ERCC8: variants seen among roughly 807,000 people sequenced by gnomAD.
ERCC8 encodes DNA excision repair protein ERCC-8.
A neutral mutation model predicts 54.9 loss-of-function variants in ERCC8; 52 were observed. The observed-to-expected ratio is 0.95, with a 90% CI of 0.76 to 1.19. ERCC8 has a LOEUF of 1.19. Ranked by LOEUF, ERCC8 falls within the 50% of genes most tolerant of loss-of-function variation. The pLI, the probability that ERCC8 is intolerant of heterozygous loss-of-function variation, is 0.00. For missense variants in ERCC8, 514 were observed against 466.1 expected (o/e 1.10, Z -0.95); for synonymous variants, 146 against 157.2 (o/e 0.93, Z 0.53).
At chr5:60,879,627 C>T (rs1289629925) in intron 11 of ERCC8, among the ~76,000 whole-genome samples, 1 of 152,208 alleles carries the variant, frequency 6.6e-6, no homozygotes, top group Admixed American at 6.5e-5. Context: ...TATGTAATGG[C>T]CTTGTCTCTT....
At position 60,889,401 on chromosome 5, in the gene ERCC8, A is replaced by G. The variant is rs1045049807; in HGVS notation, c.1041+1488T>C. 5.8e-4 allele frequency among the ~76,000 whole-genome samples: 88 copies of G among 152,202 alleles called. 2 individuals are homozygous for G. Among genetic ancestry groups the G allele is most frequent in the African/African-American group, 2.1e-3 (87 of 41,528 alleles). ...GAACACGGCTCACTCAATCTCCTGG[A>G]CTCAAGCAATTCTCTTGCTTCAGCC... On this transcript the variant is annotated intron_variant, in intron 10 of 11. Coordinates refer to ENST00000676185, the MANE Select transcript of ERCC8 (RefSeq NM_000082.4).
Position 60,899,715 on chromosome 5 carries a change from T to A in ERCC8, c.630A>T (p.Arg210Ser), listed in dbSNP as rs758627045. 60 of 1,610,384 alleles carry A rather than the reference T, an allele frequency of 3.7e-5. No individual in the cohort carries two copies. Among genetic ancestry groups the A allele is most frequent in the Non-Finnish European group, 4.9e-5 (58 of 1,177,272 alleles). The change falls in exon 8 of 12, where the codon AGA (arginine) becomes AGT (serine). Residue 210 changes from arginine (R) to serine (S), a missense_variant. Coordinates refer to ENST00000676185, the MANE Select transcript of ERCC8 (RefSeq NM_000082.4). ...YILATASADS[R>S]VKLWDVRRAS... Reference sequence around the variant, plus strand: ...CTCTTCTCACATCCCATAATTTTACTCTACTGTCAGCACTGAGAAGAAATA... The same window carrying A: ...CTCTTCTCACATCCCATAATTTTACACTACTGTCAGCACTGAGAAGAAATA...
At chr5:60,931,682 T>C (rs1190519951) in intron 1 of ERCC8, among the ~76,000 whole-genome samples, 1 of 151,182 alleles carries the variant, frequency 6.6e-6, no homozygotes, top group Non-Finnish European at 1.5e-5. Flanking sequence ...TCATCAAAAC[T>C]TTTTTTTTCA....
At chr5:60,883,848 A>C (rs899085877) in intron 11 of ERCC8, among the ~76,000 whole-genome samples, 1 of 152,228 alleles carries the variant, frequency 6.6e-6, no homozygotes, top group African/African-American at 2.4e-5. Context: ...GTCAAAAGGA[A>C]GCCAGATTCC....
At chr5:60,897,958 T>C (rs1748766388) in intron 9 of ERCC8, among the ~76,000 whole-genome samples, 1 of 152,226 alleles carries the variant, frequency 6.6e-6, no homozygotes. Flanking sequence ...ATATAAAATT[T>C]GATTACTTAG....
At chr5:60,880,271 C>G (rs559222555) in intron 11 of ERCC8, among the ~76,000 whole-genome samples, 3 of 152,156 alleles carry the variant, frequency 2.0e-5, no homozygotes, top group African/African-American at 7.2e-5. Flanking sequence ...GTGGGTAACC[C>G]GACCTTTCTC....
chr5:60,927,118 A>C (rs1749772027), intron 2 of ERCC8, among the ~76,000 whole-genome samples: 2 of 152,246 alleles, frequency 1.3e-5, no homozygotes, highest in Non-Finnish European at 1.5e-5. Flanking sequence ...AGTGATACGC[A>C]AATGCACCCT....
chr5:60,874,982 C>G (rs1180374461), intron 11 of ERCC8, among the ~76,000 whole-genome samples: 1 of 152,140 alleles, frequency 6.6e-6, no homozygotes, highest in African/African-American at 2.4e-5. Context: ...TGCCATTGCT[C>G]AAGGTATTTC....
At chr5:60,904,213 T>A (rs1748987262) in intron 5 of ERCC8, among the ~76,000 whole-genome samples, 1 of 152,216 alleles carries the variant, frequency 6.6e-6, no homozygotes, top group Non-Finnish European at 1.5e-5. Context: ...GGACACAGAC[T>A]GAAAGGACCT....
chr5:60,926,867 CAAT>C (rs1157341744), intron 2 of ERCC8, among the ~76,000 whole-genome samples: 3 of 152,152 alleles, frequency 2.0e-5, no homozygotes, highest in African/African-American at 7.2e-5. Context: ...ATGGTATTTA[CAAT>C]AATGTCAGAT....
chr5:60,877,789 T>A (rs1009805108), intron 11 of ERCC8, among the ~76,000 whole-genome samples: 1 of 152,226 alleles, frequency 6.6e-6, no homozygotes, highest in African/African-American at 2.4e-5. Context: ...AATGGGGTTT[T>A]CTAGATATAC....
chr5:60,915,217 T>C (rs1039855412), intron 4 of ERCC8: 1 of 152,082 alleles, frequency 6.6e-6, no homozygotes, highest in South Asian at 2.1e-4. Flanking sequence ...GAGATGTCAG[T>C]CTTCTTCTAT....
chr5:60,942,054 AAAGT>A (rs1027277652), intron 1 of ERCC8, among the ~76,000 whole-genome samples: 2 of 152,224 alleles, frequency 1.3e-5, no homozygotes, highest in African/African-American at 2.4e-5. Flanking sequence ...TAGACAACGA[AAAGT>A]AAGTATTTTA....
chr5:60,920,028 A>G (rs1017607622), intron 3 of ERCC8, among the ~76,000 whole-genome samples: 2 of 152,004 alleles, frequency 1.3e-5, no homozygotes, highest in South Asian at 2.1e-4. Flanking sequence ...CTTCTTACAG[A>G]AAGCAAGGGA....
chr5:60,897,252 C>T (rs1021001739), intron 9 of ERCC8, among the ~76,000 whole-genome samples: 3 of 152,208 alleles, frequency 2.0e-5, no homozygotes, highest in Admixed American at 6.5e-5. Context: ...GCAACTCCAA[C>T]GTCCCAGTAT....
chr5:60,921,161 T>A (rs1223745287), intron 3 of ERCC8, among the ~76,000 whole-genome samples: 2 of 151,926 alleles, frequency 1.3e-5, no homozygotes, highest in African/African-American at 4.8e-5. Flanking sequence ...TAAAATAAAA[T>A]AATGTGAAGC....
chr5:60,882,671 G>C lies in ERCC8; in HGVS notation c.1122+4769C>G, dbSNP rs189051346. 1.8e-4 allele frequency among the ~76,000 whole-genome samples: 28 copies of C among 152,270 alleles called. No individual in the cohort carries two copies. In the East Asian group the frequency reaches 5.4e-3, roughly 29 times the overall value. On this transcript the variant is annotated intron_variant, in intron 11 of 11. Transcript: ENST00000676185. Reference sequence around the variant, plus strand: ...CAAAGTGCTGGGATTACAGGCGTGAGCCACCACTCCTGGGCACGAAACTAT... The same window carrying C: ...CAAAGTGCTGGGATTACAGGCGTGACCCACCACTCCTGGGCACGAAACTAT...
At chr5:60,932,623 C>T (rs1214844044) in intron 1 of ERCC8, among the ~76,000 whole-genome samples, 1 of 152,226 alleles carries the variant, frequency 6.6e-6, no homozygotes, top group African/African-American at 2.4e-5. Context: ...CTGGTTTCCT[C>T]CACACTTTGC....
intron 1 of ERCC8, among the ~76,000 whole-genome samples, chr5:60,937,414 G>T (rs1750099297): frequency 1.3e-5 from 2 of 152,152 alleles, no homozygotes. Context: ...AAAACCATCA[G>T]GTGGGAGCAG....
Sources: gnomAD v4.1 joint callset for allele counts (sites outside exome capture counted in the v4.1 genomes callset) on GRCh38, gnomAD v4.1.1 for gene constraint, MANE v1.5 for transcripts, NCBI Gene and HGNC (gene_info 2026-07-23, HGNC 2026-07-21) for gene names.